Variants in IRF2 observed in about 807,000 individuals in gnomAD.
IRF2 encodes interferon regulatory factor 2.
IRF2 carries 15 observed loss-of-function variants against 40.6 expected under a neutral mutation model. The ratio of observed to expected loss-of-function variants is 0.37; its 90% CI spans 0.25 to 0.57. The LOEUF (loss-of-function observed/expected upper bound fraction) is 0.57. Among genes scored for constraint, IRF2 ranks in the 20% least tolerant of loss-of-function variants. The pLI is 0.77. For synonymous variants in IRF2, 151 were observed against 165.5 expected (o/e 0.91, Z 0.67); for missense variants, 317 against 455.7 (o/e 0.70, Z 2.77).
intron 1 of IRF2, among the ~76,000 whole-genome samples, chr4:184,465,571 CAT>C (rs1212567634): frequency 1.3e-5 from 2 of 152,092 alleles, no homozygotes; most frequent in Admixed American, 6.5e-5. Flanking sequence ...CCAATATACA[CAT>C]ATGTTTTAAA....
At chr4:184,410,713 G>A (rs564492326) in intron 5 of IRF2, among the ~76,000 whole-genome samples, 1 of 152,272 alleles carries the variant, frequency 6.6e-6, no homozygotes, top group African/African-American at 2.4e-5. Flanking sequence ...TCTGTTTCTA[G>A]GTTTCTTATA....
chr4:184,403,179 G>A (rs1002633749), intron 6 of IRF2, among the ~76,000 whole-genome samples: 4 of 152,092 alleles, frequency 2.6e-5, no homozygotes, highest in African/African-American at 7.2e-5. Flanking sequence ...TCCAGCTCTC[G>A]AGTGAAAGCC....
At chr4:184,390,182 C>G (rs2149889776) in intron 8 of IRF2, among the ~76,000 whole-genome samples, 1 of 152,336 alleles carries the variant, frequency 6.6e-6, no homozygotes, top group South Asian at 2.1e-4. Flanking sequence ...ATTCCAGCCA[C>G]TTTCTGCCAT....
intron 2 of IRF2, 54 bp downstream of exon 2, chr4:184,428,924 G>C: frequency 7.3e-7 from 1 of 1,367,096 alleles, no homozygotes; most frequent in African/African-American, 1.4e-5. Context: ...AGTCCGCATG[G>C]GCGTGTTTCA....
chr4:184,396,089 A>C (rs1448603521), intron 7 of IRF2, among the ~76,000 whole-genome samples: 1 of 152,272 alleles, frequency 6.6e-6, no homozygotes, highest in Non-Finnish European at 1.5e-5. Context: ...CTGCAGCAGC[A>C]GGCTATAGAA....
intron 6 of IRF2, among the ~76,000 whole-genome samples, chr4:184,401,770 T>C (rs1392714564): frequency 1.3e-5 from 2 of 152,226 alleles, no homozygotes; most frequent in Non-Finnish European, 2.9e-5. Flanking sequence ...GGCGCAGCGA[T>C]ACCTTGCATA....
chr4:184,418,176 C>CTTA lies in IRF2; in HGVS notation c.399_401dup (p.Val133_Lys134insAsn). 1 of 1,613,818 alleles carries CTTA rather than the reference C, an allele frequency of 6.2e-7. No individual in the cohort carries two copies. The highest frequency in any genetic ancestry group is 8.5e-7 in the Non-Finnish European group (1 of 1,179,678). On this transcript the variant is annotated inframe_insertion, in exon 5 of 9. Coordinates refer to ENST00000393593, the MANE Select transcript of IRF2 (RefSeq NM_002199.4). ...AATCACCCAAGATTACCTTGATGTGCTTAACTTTGTCTTCTTTTTCTGTCT... is the reference window on the plus strand; with the variant it reads ...AATCACCCAAGATTACCTTGATGTGCTTATTAACTTTGTCTTCTTTTTCTGTCT...
chr4:184,431,846 CAAAT>C (rs964576716), intron 1 of IRF2: 1 of 136,754 alleles, frequency 7.3e-6, no homozygotes, highest in Non-Finnish European at 1.6e-5. Context: ...ATGTTTCTCA[CAAAT>C]AACCAGTTGG....
chr4:184,415,745 C>T (rs185737109), intron 5 of IRF2, among the ~76,000 whole-genome samples: 8 of 152,210 alleles, frequency 5.3e-5, no homozygotes, highest in African/African-American at 1.4e-4. Flanking sequence ...CCATTAACTG[C>T]GATTATGAAA....
In IRF2 at chr4:184,456,408, G is replaced by C. The variant is rs138428829; in HGVS notation, c.-7+17971C>G. Among the ~76,000 whole-genome samples, 639 of 152,348 alleles carry C rather than the reference G, an allele frequency of 4.2e-3. 2 individuals carry two copies. Among genetic ancestry groups the C allele is most frequent in the Non-Finnish European group, 6.7e-3 (454 of 68,024 alleles). ...GAAGAACAACGACAAGGGCAAGAGA[G>C]GGGTGGCGCCCGCGTGTCCGAGCCA... is the stretch of plus-strand genomic sequence containing the variant. On this transcript the variant is annotated intron_variant, in intron 1 of 8. Coordinates refer to ENST00000393593, the MANE Select transcript of IRF2 (RefSeq NM_002199.4).
In IRF2 at chr4:184,399,030, G is replaced by A. The variant is rs563312207; in HGVS notation, c.579C>T (p.Val193=). Residue 193 remains valine, a synonymous_variant, in exon 7 of 9, where the codon GTC becomes GTT. Coordinates refer to ENST00000393593, the MANE Select transcript of IRF2 (RefSeq NM_002199.4). ...LDSNIENQEI[V]TNPPDICQVV... ...CTTGGCAAATGTCTGGCGGATTGGT[G>A]ACAATCTCTTGATTCTCAATGTTGC... 5 of 1,612,850 alleles carry A rather than the reference G, an allele frequency of 3.1e-6. No homozygotes were observed. Among genetic ancestry groups the A allele is most frequent in the Non-Finnish European group, 4.2e-6 (5 of 1,179,572 alleles).
chr4:184,413,653 C>T lies in IRF2; in HGVS notation c.411+4514G>A, dbSNP rs538899265. 2.0e-5 allele frequency among the ~76,000 whole-genome samples: 3 copies of T among 152,336 alleles called. No homozygotes were observed. In the South Asian group the frequency reaches 6.2e-4, roughly 32 times the overall value. ...CATAGGTCTGTGCTCAGAACGAATA[C>T]AGACCAGGCCTAATCTTTTCCAAGC... On this transcript the variant is annotated intron_variant, in intron 5 of 8. Transcript: ENST00000393593. The surrounding 1 kb of genome is among the most constrained non-coding windows in gnomAD (Gnocchi z 4.2).
rs34566726 is a variant in IRF2, at chr4:184,395,412, C to CAAAAA, written c.694+3498_694+3502dup. 3.7e-3 allele frequency among the ~76,000 whole-genome samples: 244 copies of CAAAAA among 66,630 alleles called. 2 individuals carry two copies. Among genetic ancestry groups the CAAAAA allele is most frequent in the Admixed American group, 7.1e-3 (30 of 4,216 alleles). The allele number at this position is 66,630 out of a possible 152,430, so 43.7% of individuals were successfully genotyped here. On this transcript the variant is annotated intron_variant, in intron 7 of 8. Coordinates refer to ENST00000393593, the MANE Select transcript of IRF2 (RefSeq NM_002199.4). ...TGGGCGACAGAGCGAGACTCCGTCT[C>CAAAAA]AAAAAAAAAAAAAAAAAAAAAAAGG...
At chr4:184,435,905 G>C (rs1340516080) in intron 1 of IRF2, among the ~76,000 whole-genome samples, 1 of 152,048 alleles carries the variant, frequency 6.6e-6, no homozygotes, top group African/African-American at 2.4e-5. Flanking sequence ...ATAGAAATCA[G>C]ATCTTGAGGA....
At chr4:184,394,699 C>T (rs1736383150) in intron 7 of IRF2, among the ~76,000 whole-genome samples, 1 of 152,160 alleles carries the variant, frequency 6.6e-6, no homozygotes, top group African/African-American at 2.4e-5. Context: ...TACTCTCCAG[C>T]CCCTCTTACC....
chr4:184,394,433 C>G (rs1579791520), intron 7 of IRF2, among the ~76,000 whole-genome samples: 1 of 152,224 alleles, frequency 6.6e-6, no homozygotes, highest in East Asian at 1.9e-4. Context: ...CTGGAAGGCT[C>G]TTGTTCAGCA....
At chr4:184,429,244 C>T (rs1737785222) in intron 1 of IRF2, among the ~76,000 whole-genome samples, 174 bp from the exon 2 acceptor site, 1 of 152,184 alleles carries the variant, frequency 6.6e-6, no homozygotes, top group Non-Finnish European at 1.5e-5. Flanking sequence ...GCCCAGCCCT[C>T]GCACCGGCCA....
chr4:184,434,981 C>T (rs1267082754), intron 1 of IRF2, among the ~76,000 whole-genome samples: 2 of 152,098 alleles, frequency 1.3e-5, no homozygotes, highest in East Asian at 1.9e-4. Flanking sequence ...GCCAGGAGTT[C>T]GAGGCTGCAG....
At chr4:184,430,992 C>T (rs1170844955) in intron 1 of IRF2, among the ~76,000 whole-genome samples, 3 of 152,188 alleles carry the variant, frequency 2.0e-5, no homozygotes, top group Non-Finnish European at 4.4e-5. Context: ...TCCCATGCTC[C>T]GCCCTCTTCT....
Sources: gnomAD v4.1 joint callset for allele counts (sites outside exome capture counted in the v4.1 genomes callset) on GRCh38, gnomAD v4.1.1 for gene constraint, Gnocchi (gnomAD v3.1) non-coding constraint, MANE v1.5 for transcripts, NCBI Gene and HGNC (gene_info 2026-07-23, HGNC 2026-07-21) for gene names.